The following DNAH8 variants were observed in gnomAD, a reference collection of about 807,000 sequenced individuals.
DNAH8 encodes the protein dynein axonemal heavy chain 8.
A neutral mutation model predicts 562.1 loss-of-function variants in DNAH8; 382 were observed. That is an observed-to-expected ratio of 0.68 (90% CI 0.63 to 0.74). DNAH8 has a LOEUF of 0.74. DNAH8 is among the 30% of genes least tolerant of loss of function. DNAH8 has a pLI of 0.00. For synonymous variants in DNAH8, 1,881 were observed against 1,919.4 expected (o/e 0.98, Z 0.52); for missense variants, 5,203 against 5,620.4 (o/e 0.93, Z 2.37).
chr6:38,985,733 T>C (rs1005531967), intron 87 of DNAH8, among the ~76,000 whole-genome samples: 3 of 152,246 alleles, frequency 2.0e-5, no homozygotes, highest in Admixed American at 1.3e-4. Flanking sequence ...TGTGTGGAGC[T>C]GAAGGCAAGC....
At chr6:38,799,801 C>T (rs533112495) in intron 21 of DNAH8, among the ~76,000 whole-genome samples, 2 of 152,350 alleles carry the variant, frequency 1.3e-5, no homozygotes, top group African/African-American at 4.8e-5. Flanking sequence ...CCCAAATTTC[C>T]TTTCTGCTTC....
intron 29 of DNAH8, 110 bp from the exon 30 acceptor site, chr6:38,828,074 G>A: frequency 1.4e-6 from 1 of 728,028 alleles, no homozygotes; most frequent in South Asian, 1.8e-5. Context: ...CACTTTTCTA[G>A]AACATGCTGT....
Position 38,872,980 on chromosome 6 carries a change from G to A in DNAH8, c.7312G>A (p.Asp2438Asn), listed in dbSNP as rs1246465613. 2 of 1,614,036 alleles carry A rather than the reference G, an allele frequency of 1.2e-6. No homozygotes were observed. Among genetic ancestry groups the A allele is most frequent in the African/African-American group, 1.3e-5 (1 of 74,930 alleles). ...WIENLNSVLDDNKTLTLANGD... is the reference protein window; with the variant it reads ...WIENLNSVLDNNKTLTLANGD... ...TGAGAACTTAAATTCCGTTTTGGAT[G>A]ACAATAAAACTCTGACGTTAGCTAA... The change falls in exon 51 of 93, where the codon GAC becomes AAC. Residue 2438 changes from aspartate (D) to asparagine (N), a missense_variant. Coordinates refer to ENST00000327475, the MANE Select transcript of DNAH8 (RefSeq NM_001206927.2).
chr6:38,839,236 G>C, intron 33 of DNAH8, among the ~76,000 whole-genome samples: 1 of 152,076 alleles, frequency 6.6e-6, no homozygotes, highest in Non-Finnish European at 1.5e-5. Context: ...TCACCCTCAG[G>C]CTAGCAGGAG....
chr6:38,918,034 C>G lies in DNAH8; in HGVS notation c.10418C>G (p.Thr3473Ser), dbSNP rs182442615. ...CCATATTTTAATATGGATGATTATA[C>G]TTTTGAAAGTGCCAAAAAAGTCTGT... ...LQPYFNMDDY[T>S]FESAKKVCGN... Residue 3473 changes from threonine to serine, a missense_variant, in exon 70 of 93, where the codon ACT becomes AGT. Coordinates refer to ENST00000327475, the MANE Select transcript of DNAH8 (RefSeq NM_001206927.2). The G allele has an allele frequency of 7.5e-5, 121 of 1,613,838 alleles. 2 individuals carry two copies. In the East Asian group the frequency reaches 2.2e-3, roughly 29 times the overall value.
intron 88 of DNAH8, among the ~76,000 whole-genome samples, chr6:39,004,766 A>G (rs1408080939): frequency 2.0e-5 from 3 of 152,224 alleles, no homozygotes; most frequent in African/African-American, 4.8e-5. Context: ...GACATTTTGC[A>G]TAAGCAGAAT....
chr6:38,991,872 T>A (rs745515699), intron 88 of DNAH8, among the ~76,000 whole-genome samples: 1 of 152,204 alleles, frequency 6.6e-6, no homozygotes, highest in African/African-American at 2.4e-5. Flanking sequence ...GGCTGTGCTA[T>A]TTAAAGATTG....
At chr6:38,811,822 T>C (rs1308659802) in intron 24 of DNAH8, among the ~76,000 whole-genome samples, 8 of 152,146 alleles carry the variant, frequency 5.3e-5, no homozygotes, top group Non-Finnish European at 1.0e-4. Flanking sequence ...TATCTATGAG[T>C]TTCACTTTTG....
At chr6:38,969,976 A>C (rs1763227560) in intron 82 of DNAH8, among the ~76,000 whole-genome samples, 2 of 152,110 alleles carry the variant, frequency 1.3e-5, no homozygotes, top group Admixed American at 1.3e-4. Flanking sequence ...GAATCTAGGC[A>C]AGAGGTGGCG....
chr6:38,797,853 C>T (rs957613141), intron 21 of DNAH8, among the ~76,000 whole-genome samples: 1 of 152,192 alleles, frequency 6.6e-6, no homozygotes. Context: ...TACTGTCACT[C>T]TGCTCAATCA....
intron 62 of DNAH8, among the ~76,000 whole-genome samples, chr6:38,900,506 T>C (rs1489958397): frequency 6.6e-6 from 1 of 152,250 alleles, no homozygotes; most frequent in Non-Finnish European, 1.5e-5. Context: ...TTAGTTGATC[T>C]GCTTAGTAGT....
chr6:38,721,827 G>A (rs1274029972), intron 1 of DNAH8, among the ~76,000 whole-genome samples: 4 of 152,166 alleles, frequency 2.6e-5, no homozygotes, highest in Admixed American at 6.6e-5. Flanking sequence ...GCTCCATCTT[G>A]CTTAGGCCAG....
rs976367156 is a variant in DNAH8, at chr6:38,938,320, G to T, written c.11816+94G>T. ...AATTGCTTTTTCACTATTCACAATA[G>T]CAAAGACATGGAATCAACCTAAATG... On this transcript the variant is annotated intron_variant, in intron 78 of 92. Coordinates refer to ENST00000327475, the MANE Select transcript of DNAH8 (RefSeq NM_001206927.2). 6.3e-6 allele frequency: 9 copies of T among 1,422,456 alleles called. No homozygotes were observed. The East Asian group carries it at 2.1e-4, about 33-fold the overall frequency. The allele number at this position is 1,422,456 out of a possible 1,614,324, so 88.1% of individuals were successfully genotyped here.
intron 82 of DNAH8, among the ~76,000 whole-genome samples, chr6:38,961,215 A>G (rs892865651): frequency 2.6e-5 from 4 of 152,046 alleles, no homozygotes; most frequent in African/African-American, 9.7e-5. Context: ...CTAGTGTTCT[A>G]GTGCACAGTA....
At chr6:38,786,689 A>G in intron 17 of DNAH8, 76 bp from the exon 18 acceptor site, 1 of 1,471,160 alleles carries the variant, frequency 6.8e-7, no homozygotes, top group Non-Finnish European at 9.2e-7. Context: ...TCCAGGGGGC[A>G]AGACAGAAAT....
In DNAH8 at chr6:38,823,066, G is replaced by A; in HGVS notation, c.3720+32G>A. 6 of 1,527,152 alleles carry A rather than the reference G, an allele frequency of 3.9e-6. No homozygotes were observed. In the South Asian group the frequency reaches 5.3e-5, roughly 14 times the overall value. The allele number at this position is 1,527,152 out of a possible 1,614,324, so 94.6% of individuals were successfully genotyped here. ...TTCTGCTACTTGTGATGTTGTTTGG[G>A]TTTTGTTTGTCTCTAATTCTTGAGG... is the stretch of plus-strand genomic sequence containing the variant. On this transcript the variant is annotated intron_variant, in intron 27 of 92. Coordinates refer to ENST00000327475, the MANE Select transcript of DNAH8 (RefSeq NM_001206927.2).
intron 82 of DNAH8, among the ~76,000 whole-genome samples, chr6:38,957,485 C>T (rs531266474): frequency 6.6e-6 from 1 of 151,844 alleles, no homozygotes; most frequent in East Asian, 1.9e-4. Context: ...ATGGACCTAA[C>T]AGACATTTAC....
intron 7 of DNAH8, among the ~76,000 whole-genome samples, chr6:38,739,833 T>A (rs1366646924): frequency 2.0e-5 from 3 of 152,214 alleles, no homozygotes; most frequent in Non-Finnish European, 2.9e-5. Flanking sequence ...TTTAGAAATG[T>A]TACCATTTTA....
chr6:38,973,689 A>G lies in DNAH8; in HGVS notation c.12554A>G (p.His4185Arg), dbSNP rs745323392. 2.5e-6 allele frequency: 4 copies of G among 1,605,378 alleles called. No homozygotes were observed. The highest frequency in any genetic ancestry group is 1.7e-6 in the Non-Finnish European group (2 of 1,177,186). The change falls in exon 84 of 93, where the codon CAC becomes CGC. Residue 4185 changes from histidine (H) to arginine (R), a missense_variant. Transcript: ENST00000327475. ...QGGWVLLQNC[H>R]LGLEFMEELL... is the part of the protein sequence containing the mutation. ...GGTTGGGTATTACTACAAAATTGCCACCTTGGCCTGGAATTCATGGAAGAA... is the reference window on the plus strand; with the variant it reads ...GGTTGGGTATTACTACAAAATTGCCGCCTTGGCCTGGAATTCATGGAAGAA...
Sources: gnomAD v4.1 joint callset for allele counts (sites outside exome capture counted in the v4.1 genomes callset) on GRCh38, gnomAD v4.1.1 for gene constraint, MANE v1.5 for transcripts, NCBI Gene and HGNC (gene_info 2026-07-23, HGNC 2026-07-21) for gene names.